The following MTSS1 variants were observed in gnomAD, a reference collection of about 807,000 sequenced individuals.
MTSS1 encodes MTSS I-BAR domain containing 1.
In MTSS1, 18 loss-of-function variants were observed where a neutral mutation model predicts 79.0. That is an observed-to-expected ratio of 0.23 (90% CI 0.16 to 0.34). MTSS1 has a LOEUF of 0.34. Ranked by LOEUF, MTSS1 falls within the 10% of genes least tolerant of loss-of-function variation. The probability of loss-of-function intolerance (pLI) is 1.00; values close to 1 mark genes in which losing one functional copy is unlikely to be tolerated. For synonymous variants in MTSS1, 341 were observed against 368.6 expected (o/e 0.93, Z 0.86); for missense variants, 815 against 986.2 (o/e 0.83, Z 2.33).
intron 3 of MTSS1, among the ~76,000 whole-genome samples, chr8:124,696,658 C>T (rs1280837360): frequency 6.6e-6 from 1 of 152,058 alleles, no homozygotes. Flanking sequence ...CGAGACCAGT[C>T]TGGCCAACAT....
intron 3 of MTSS1, among the ~76,000 whole-genome samples, chr8:124,645,403 T>TA (rs1818825521): frequency 1.3e-5 from 2 of 152,026 alleles, no homozygotes; most frequent in African/African-American, 2.4e-5. Flanking sequence ...TAAAAGAAAA[T>TA]ACAATTTTCA....
At chr8:124,651,025 C>T (rs537597118) in intron 3 of MTSS1, among the ~76,000 whole-genome samples, 1 of 152,340 alleles carries the variant, frequency 6.6e-6, no homozygotes, top group African/African-American at 2.4e-5. Context: ...GTGCTTACAA[C>T]AGTGTGCTTG....
rs572736264 is a variant in MTSS1, at chr8:124,672,861, G to GCA, written c.208+26663_208+26664dup. Among the ~76,000 whole-genome samples, 832 of 149,020 alleles carry GCA rather than the reference G, an allele frequency of 5.6e-3. 8 individuals are homozygous for GCA. The highest frequency in any genetic ancestry group is 0.019 in the African/African-American group (766 of 40,052). ...CACATGCATGCACACACACACATAT[G>GCA]CACACACACACATGCATACACACAC... On this transcript the variant is annotated intron_variant, in intron 3 of 13. Coordinates refer to ENST00000518547, the MANE Select transcript of MTSS1 (RefSeq NM_014751.6).
At chr8:124,696,123 G>A (rs1470144640) in intron 3 of MTSS1, among the ~76,000 whole-genome samples, 1 of 151,964 alleles carries the variant, frequency 6.6e-6, no homozygotes, top group Admixed American at 6.6e-5. Flanking sequence ...AAGTAGCTGG[G>A]ATTACAGGTG....
chr8:124,638,714 T>G (rs922066833), intron 3 of MTSS1, among the ~76,000 whole-genome samples: 2 of 152,150 alleles, frequency 1.3e-5, no homozygotes, highest in East Asian at 3.9e-4. Context: ...CTAGGGGTCT[T>G]CAGAGTAACA....
At chr8:124,634,289 G>T (rs536535661) in intron 3 of MTSS1, among the ~76,000 whole-genome samples, 135 of 131,498 alleles carry the variant, frequency 1.0e-3, no homozygotes, top group African/African-American at 4.3e-3. Flanking sequence ...TTTTTTTGTT[G>T]TTGTTGTTGT....
At chr8:124,643,660 T>C (rs1379540480) in intron 3 of MTSS1, among the ~76,000 whole-genome samples, 4 of 136,232 alleles carry the variant, frequency 2.9e-5, no homozygotes, top group Non-Finnish European at 6.0e-5. Flanking sequence ...ATCGCACCAT[T>C]GCACTCCACC....
intron 3 of MTSS1, among the ~76,000 whole-genome samples, chr8:124,624,559 A>G (rs950245942): frequency 6.6e-6 from 1 of 152,228 alleles, no homozygotes; most frequent in Admixed American, 6.5e-5. Flanking sequence ...ATCCCAGGGC[A>G]GTCTGACACT....
intron 3 of MTSS1, among the ~76,000 whole-genome samples, chr8:124,636,789 G>A (rs1817080917): frequency 6.6e-6 from 1 of 152,096 alleles, no homozygotes; most frequent in South Asian, 2.1e-4. Context: ...TTTACATTTG[G>A]CACAAGGACT....
chr8:124,606,164 G>GTTTTTTTTTTTTT (rs199611609), intron 3 of MTSS1, among the ~76,000 whole-genome samples: 3 of 106,058 alleles, frequency 2.8e-5, no homozygotes, highest in Admixed American at 9.4e-5. Flanking sequence ...TCTGTGTTTG[G>GTTTTTTTTTTTTT]TTTTTTGTTT....
intron 10 of MTSS1, among the ~76,000 whole-genome samples, chr8:124,561,326 G>A (rs757064174): frequency 1.3e-5 from 2 of 152,204 alleles, no homozygotes; most frequent in African/African-American, 2.4e-5. Context: ...GCTGAGGCAG[G>A]AGAATCGCTT....
chr8:124,704,288 T>A (rs1484499471), intron 1 of MTSS1, 97 bp from the exon 2 acceptor site: 2 of 1,053,996 alleles, frequency 1.9e-6, no homozygotes, highest in African/African-American at 3.1e-5. Flanking sequence ...GGGAACAATC[T>A]GTGTATGTTC....
At position 124,556,290 on chromosome 8, in the gene MTSS1, G is replaced by A; in HGVS notation, c.1346C>T (p.Pro449Leu). The change falls in exon 12 of 14, where the codon CCT (proline) becomes CTT (leucine). Residue 449 changes from proline to leucine, a missense_variant. By Grantham distance (98) the Pro-to-Leu change is moderately conservative (BLOSUM62 -3). This residue lies in a region of MTSS1 where 590 missense variants were observed against 620.8 expected (regional missense o/e 0.95). Transcript: ENST00000518547. The part of the protein sequence containing the change: ...GGGPTTASGP[P>L]AAAEEAQRPR... ...TCTCTGAGCCTCCTCAGCTGCTGCA[G>A]GTGGGCCGCTGGCGGTAGTGGGTCC... 6.2e-7 allele frequency: 1 copy of A among 1,614,224 alleles called. No individual in the cohort carries two copies. The highest frequency in any genetic ancestry group is 8.5e-7 in the Non-Finnish European group (1 of 1,180,034).
chr8:124,704,969 TC>T (rs956357987), intron 1 of MTSS1, among the ~76,000 whole-genome samples: 1 of 152,120 alleles, frequency 6.6e-6, no homozygotes, highest in African/African-American at 2.4e-5. Context: ...TCTCTACTCT[TC>T]CTCTAAGTGT....
chr8:124,605,337 C>T (rs1033944532), intron 3 of MTSS1, among the ~76,000 whole-genome samples: 14 of 152,322 alleles, frequency 9.2e-5, no homozygotes, highest in East Asian at 3.9e-4. Context: ...ATTTAACTGT[C>T]GGGTAGATAA....
At chr8:124,575,743 G>A (rs1026005001) in intron 6 of MTSS1, among the ~76,000 whole-genome samples, 6 of 152,142 alleles carry the variant, frequency 3.9e-5, no homozygotes, top group African/African-American at 1.2e-4. Context: ...TCAAAGCAAA[G>A]GATAAAAAGA....
chr8:124,676,486 G>A (rs1825312767), intron 3 of MTSS1, among the ~76,000 whole-genome samples: 1 of 152,208 alleles, frequency 6.6e-6, no homozygotes. Context: ...ACCTCATGTG[G>A]ACAGACGCAA....
At chr8:124,709,743 G>A (rs1170446682) in intron 1 of MTSS1, among the ~76,000 whole-genome samples, 1 of 152,088 alleles carries the variant, frequency 6.6e-6, no homozygotes, top group African/African-American at 2.4e-5. Flanking sequence ...TGAGAGATGG[G>A]GCTTCCCTGA....
chr8:124,663,397 C>A (rs1822454646), intron 3 of MTSS1, among the ~76,000 whole-genome samples: 2 of 152,202 alleles, frequency 1.3e-5, no homozygotes, highest in Middle Eastern at 3.4e-3. Context: ...AAACCACCAA[C>A]CCCTGTGCTC....
Sources: gnomAD v4.1 joint callset for allele counts (sites outside exome capture counted in the v4.1 genomes callset) on GRCh38, gnomAD v4.1.1 for gene constraint, gnomAD v4.1.1 regional missense constraint, MANE v1.5 for transcripts, NCBI Gene and HGNC (gene_info 2026-07-23, HGNC 2026-07-21) for gene names.